Variants in ESRRG observed in about 807,000 individuals in gnomAD.
ESRRG encodes the protein estrogen-related receptor gamma.
Under a neutral mutation model 44.0 loss-of-function variants are expected in ESRRG, and 13 were observed. The ratio of observed to expected loss-of-function variants is 0.30; its 90% CI spans 0.19 to 0.47. The LOEUF (loss-of-function observed/expected upper bound fraction) is 0.47. Among genes scored for constraint, ESRRG ranks in the 20% least tolerant of loss-of-function variants. The pLI is 1.00. For synonymous variants in ESRRG, 215 were observed against 214.6 expected (o/e 1.00, Z -0.02); for missense variants, 395 against 580.6 (o/e 0.68, Z 3.29).
At chr1:217,128,253 AAATT>A (rs1048754122) in intron 1 of ESRRG, among the ~76,000 whole-genome samples, 2 of 152,386 alleles carry the variant, frequency 1.3e-5, no homozygotes, top group South Asian at 2.1e-4. Flanking sequence ...TTCAATCAAT[AAATT>A]AATTACCTAA....
At chr1:217,028,793 T>C (rs4846803) in intron 1 of ESRRG, among the ~76,000 whole-genome samples, 28,229 of 152,160 alleles carry the variant, frequency 0.19, 2,885 homozygotes, top group East Asian at 0.45. Context: ...ACAGAATTCA[T>C]TGATGGCTCT....
chr1:216,883,897 T>C (rs1033950388), intron 2 of ESRRG, among the ~76,000 whole-genome samples: 1 of 152,216 alleles, frequency 6.6e-6, no homozygotes, highest in Non-Finnish European at 1.5e-5. Flanking sequence ...GAATTGGCCA[T>C]GTGATCCTGA....
chr1:216,603,854 A>T (rs534655257), intron 3 of ESRRG, among the ~76,000 whole-genome samples: 2 of 151,518 alleles, frequency 1.3e-5, no homozygotes, highest in South Asian at 4.2e-4. Context: ...AATCACTTGA[A>T]CCCAGGAGGC....
intron 4 of ESRRG, among the ~76,000 whole-genome samples, chr1:216,566,743 T>C (rs554268156): frequency 6.6e-6 from 1 of 152,170 alleles, no homozygotes; most frequent in Non-Finnish European, 1.5e-5. Flanking sequence ...CTCGATTGTA[T>C]TTGCAGAATG....
At chr1:216,991,320 G>A (rs1209359347) in intron 1 of ESRRG, among the ~76,000 whole-genome samples, 1 of 152,088 alleles carries the variant, frequency 6.6e-6, no homozygotes, top group Non-Finnish European at 1.5e-5. Flanking sequence ...TTGCTCTGAT[G>A]TCACAGGATT....
At chr1:216,721,956 TC>T (rs1321481184) in intron 1 of ESRRG, among the ~76,000 whole-genome samples, 1 of 152,176 alleles carries the variant, frequency 6.6e-6, no homozygotes, top group African/African-American at 2.4e-5. Flanking sequence ...TGGCTAATAT[TC>T]CCTGTGTGAG....
chr1:217,042,701 T>C (rs2084104450), intron 1 of ESRRG, among the ~76,000 whole-genome samples: 2 of 151,954 alleles, frequency 1.3e-5, no homozygotes, highest in Admixed American at 6.6e-5. Flanking sequence ...TTATAAACAG[T>C]CCGAGCTAAA....
chr1:216,546,905 G>GTCAAACCA (rs1400665343), intron 5 of ESRRG, among the ~76,000 whole-genome samples: 1 of 151,620 alleles, frequency 6.6e-6, no homozygotes, highest in African/African-American at 2.4e-5. Flanking sequence ...TGCTGCACCC[G>GTCAAACCA]TCAAACCATC....
chr1:217,076,090 T>C (rs1285199178), intron 1 of ESRRG, among the ~76,000 whole-genome samples: 1 of 152,206 alleles, frequency 6.6e-6, no homozygotes, highest in Non-Finnish European at 1.5e-5. Context: ...CAATTATTTA[T>C]ACCATCTGTA....
At chr1:216,727,009 C>G (rs181359279), upstream of ESRRG, among the ~76,000 whole-genome samples, 2 of 152,272 alleles carry the variant, frequency 1.3e-5, no homozygotes, top group Admixed American at 1.3e-4. Flanking sequence ...ATGAGAAATG[C>G]TTAGTCTTGC....
chr1:216,999,161 G>A (rs2076717077), intron 1 of ESRRG, among the ~76,000 whole-genome samples: 1 of 152,174 alleles, frequency 6.6e-6, no homozygotes, highest in African/African-American at 2.4e-5. Context: ...CCAATTACCT[G>A]AATCTGTATG....
At chr1:216,929,126 CT>C (rs2149798905) in intron 2 of ESRRG, among the ~76,000 whole-genome samples, 1 of 152,152 alleles carries the variant, frequency 6.6e-6, no homozygotes, top group East Asian at 1.9e-4. Flanking sequence ...AAAAAAAATA[CT>C]GGAAAAAAAA....
At chr1:216,920,594 CTT>C (rs1469969461) in intron 2 of ESRRG, among the ~76,000 whole-genome samples, 1 of 152,134 alleles carries the variant, frequency 6.6e-6, no homozygotes, top group Non-Finnish European at 1.5e-5. Flanking sequence ...AAGAAAGAGA[CTT>C]ATATCATCTT....
At chr1:216,876,950 T>C (rs1032830125) in intron 2 of ESRRG, among the ~76,000 whole-genome samples, 6 of 151,238 alleles carry the variant, frequency 4.0e-5, no homozygotes, top group Non-Finnish European at 7.4e-5. Flanking sequence ...GTTAATGTGT[T>C]GTCTGATTCG....
In ESRRG at chr1:216,762,751, T is replaced by A. The variant is rs117290325; in HGVS notation, c.-13-85260A>T. On this transcript the variant is annotated intron_variant, in intron 2 of 7. Coordinates refer to the ESRRG transcript ENST00000359162. ...ATAAATAAAAAGAATGAGCACCCTG[T>A]AGTAATAGATAGGCTAGGGAGCATT... Among the ~76,000 whole-genome samples the A allele has an allele frequency of 9.0e-4, 137 of 151,914 alleles. 2 individuals carry two copies. In the East Asian group the frequency reaches 0.023, roughly 26 times the overall value.
At chr1:216,512,855 T>C (rs1558178154) in intron 6 of ESRRG, among the ~76,000 whole-genome samples, 1 of 152,164 alleles carries the variant, frequency 6.6e-6, no homozygotes, top group South Asian at 2.1e-4. Context: ...GCAAGTGTCC[T>C]TGGAAGCAAA....
At chr1:216,698,517 T>TC in intron 1 of ESRRG, among the ~76,000 whole-genome samples, 1 of 39,424 alleles carries the variant, frequency 2.5e-5, no homozygotes, top group Middle Eastern at 0.033. Flanking sequence ...AGACTCAGTC[T>TC]CAAAAAAAAA....
chr1:216,991,647 G>GGGATGGGATGGGATGGGATGGGATA (rs2150523939), intron 1 of ESRRG, among the ~76,000 whole-genome samples: 4 of 141,678 alleles, frequency 2.8e-5, no homozygotes, highest in African/African-American at 1.0e-4. Flanking sequence ...GGGATGGGAT[G>GGGATGGGATGGGATGGGATGGGATA]GGATGGGATG....
chr1:216,571,162 A>C (rs1241102046), intron 3 of ESRRG, among the ~76,000 whole-genome samples: 1 of 152,188 alleles, frequency 6.6e-6, no homozygotes, highest in Non-Finnish European at 1.5e-5. Context: ...AAAAATATGC[A>C]TGATCAATTG....
Sources: gnomAD v4.1 joint callset for allele counts (sites outside exome capture counted in the v4.1 genomes callset) on GRCh38, gnomAD v4.1.1 for gene constraint, MANE v1.5 for transcripts, NCBI Gene and HGNC (gene_info 2026-07-23, HGNC 2026-07-21) for gene names.